Variants in SMYD3 observed in about 807,000 individuals in gnomAD.
The protein encoded by SMYD3 is histone-lysine N-methyltransferase SMYD3.
Under a neutral mutation model 57.7 loss-of-function variants are expected in SMYD3, and 36 were observed. That is an observed-to-expected ratio of 0.62 (90% confidence interval 0.48 to 0.82). SMYD3 has a LOEUF of 0.82. SMYD3 is among the 40% of genes least tolerant of loss of function. The pLI, the probability that SMYD3 is intolerant of heterozygous loss-of-function variation, is 0.00. For synonymous variants in SMYD3, 211 were observed against 195.0 expected, an observed-to-expected ratio of 1.08 and a Z score of -0.68; for missense variants, 515 against 538.8, an observed-to-expected ratio of 0.96 and a Z score of 0.44.
At chr1:246,217,063 G>A (rs1010863179) in intron 5 of SMYD3, among the ~76,000 whole-genome samples, 18 of 152,078 alleles carry the variant, frequency 1.2e-4, no homozygotes, top group African/African-American at 4.3e-4. Flanking sequence ...CTAAATACTG[G>A]ACAGAGGGGG....
intron 10 of SMYD3, among the ~76,000 whole-genome samples, chr1:245,764,831 T>C (rs2046001239): frequency 6.6e-6 from 1 of 152,100 alleles, no homozygotes; most frequent in African/African-American, 2.4e-5. Context: ...GGTGTTGTCG[T>C]GGACCAAAGA....
intron 1 of SMYD3, among the ~76,000 whole-genome samples, chr1:246,457,532 C>CAAAAAAAAAAAAA (rs59617511): frequency 1.2e-5 from 1 of 82,456 alleles, no homozygotes; most frequent in African/African-American, 4.6e-5. Context: ...GACTCTGCCT[C>CAAAAAAAAAAAAA]AAAAAAAAAA....
intron 5 of SMYD3, chr1:246,193,527 C>CTG (rs1305303750): frequency 2.0e-5 from 3 of 152,348 alleles, no homozygotes; most frequent in Admixed American, 6.5e-5. Flanking sequence ...GCCTGATCTA[C>CTG]AGAGACAGCA....
chr1:246,375,982 A>T (rs1572436048), intron 1 of SMYD3, among the ~76,000 whole-genome samples: 1 of 112,400 alleles, frequency 8.9e-6, no homozygotes, highest in Admixed American at 8.1e-5. Context: ...CACCAGCCTC[A>T]GCCTCCCAAA....
At chr1:246,421,890 G>A (rs759950181) in intron 1 of SMYD3, among the ~76,000 whole-genome samples, 9 of 152,218 alleles carry the variant, frequency 5.9e-5, no homozygotes, top group Non-Finnish European at 1.3e-4. Context: ...TCAAAAGGGA[G>A]AGAGCAAATT....
At chr1:246,067,679 C>A (rs1474719470) in intron 5 of SMYD3, among the ~76,000 whole-genome samples, 1 of 152,166 alleles carries the variant, frequency 6.6e-6, no homozygotes, top group Non-Finnish European at 1.5e-5. Context: ...CGACTCGCTC[C>A]TGGACGTGAA....
At chr1:246,206,569 C>T (rs998298009) in intron 5 of SMYD3, among the ~76,000 whole-genome samples, 1 of 152,142 alleles carries the variant, frequency 6.6e-6, no homozygotes, top group Non-Finnish European at 1.5e-5. Flanking sequence ...TATTATTCTT[C>T]TCTTGCTACC....
chr1:246,121,864 G>A (rs1036620192), intron 5 of SMYD3, among the ~76,000 whole-genome samples: 1 of 152,076 alleles, frequency 6.6e-6, no homozygotes, highest in Non-Finnish European at 1.5e-5. Flanking sequence ...ATAGCAAAGC[G>A]ATTACTACAG....
chr1:246,401,654 T>C (rs762028647), intron 1 of SMYD3, among the ~76,000 whole-genome samples: 2 of 151,366 alleles, frequency 1.3e-5, no homozygotes, highest in Non-Finnish European at 2.9e-5. Context: ...AAATAAAAAA[T>C]AGAGTATGTA....
chr1:246,080,635 AAAGATTACC>A lies in SMYD3; in HGVS notation c.532-150707_532-150699del, dbSNP rs1280299684. 9.2e-5 allele frequency among the ~76,000 whole-genome samples: 14 copies of A among 152,326 alleles called. 1 individual carries two copies. In the South Asian group the frequency reaches 2.7e-3, roughly 29 times the overall value. ...AAAGAACTATTATTATTGTAAAAAG[AAAGATTACC>A]AAGGACTCTTCTTTTACCATACAAA... On this transcript the variant is annotated intron_variant, in intron 5 of 11. Coordinates refer to ENST00000490107, the MANE Select transcript of SMYD3 (RefSeq NM_001167740.2).
intron 1 of SMYD3, among the ~76,000 whole-genome samples, chr1:246,425,576 T>C (rs2067206301): frequency 6.6e-6 from 1 of 152,178 alleles, no homozygotes; most frequent in Admixed American, 6.5e-5. Context: ...AATGAATAAA[T>C]ACTCCCGCTT....
intron 5 of SMYD3, among the ~76,000 whole-genome samples, chr1:246,037,590 C>T (rs1375325795): frequency 1.3e-5 from 2 of 152,208 alleles, no homozygotes; most frequent in South Asian, 2.1e-4. Flanking sequence ...TTTCCTGCTC[C>T]GGCAATGCCG....
chr1:245,905,618 C>A (rs531190665), intron 8 of SMYD3, among the ~76,000 whole-genome samples: 5 of 152,290 alleles, frequency 3.3e-5, no homozygotes, highest in African/African-American at 1.2e-4. Flanking sequence ...ACTTCTGGAC[C>A]CACCTGGGGC....
chr1:245,864,284 G>A (rs1350840809), intron 8 of SMYD3, among the ~76,000 whole-genome samples: 1 of 152,158 alleles, frequency 6.6e-6, no homozygotes, highest in Non-Finnish European at 1.5e-5. Context: ...AAATGAACAT[G>A]TATGTTCAAC....
intron 1 of SMYD3, among the ~76,000 whole-genome samples, chr1:246,374,006 G>A (rs1183395183): frequency 6.6e-6 from 1 of 152,014 alleles, no homozygotes; most frequent in East Asian, 1.9e-4. Flanking sequence ...AACACAGTGG[G>A]CACTGTCCAT....
chr1:245,876,532 C>T (rs2052496907), intron 8 of SMYD3, among the ~76,000 whole-genome samples: 1 of 152,220 alleles, frequency 6.6e-6, no homozygotes. Context: ...TTTTGCTTTT[C>T]TTTTTTCTTG....
intron 5 of SMYD3, among the ~76,000 whole-genome samples, chr1:246,200,335 C>T (rs113170650): frequency 2.0e-4 from 30 of 149,566 alleles, no homozygotes; most frequent in South Asian, 6.4e-4. Flanking sequence ...ACAGCGTAGA[C>T]GCTGAGCAAG....
At chr1:246,255,264 T>A (rs1257871138) in intron 5 of SMYD3, among the ~76,000 whole-genome samples, 1 of 151,734 alleles carries the variant, frequency 6.6e-6, no homozygotes. Context: ...GGCTATGGGT[T>A]TGTCATAGAT....
intron 5 of SMYD3, among the ~76,000 whole-genome samples, chr1:246,101,052 G>A (rs1043886501): frequency 9.0e-6 from 1 of 111,496 alleles, no homozygotes; most frequent in African/African-American, 3.3e-5. Flanking sequence ...CTAGTAATAT[G>A]TATTTTTAGG....
Sources: allele counts gnomAD v4.1 joint callset (sites outside exome capture counted in the v4.1 genomes callset), GRCh38; gene constraint gnomAD v4.1.1; transcripts MANE v1.5; gene names NCBI Gene and HGNC (gene_info 2026-07-23, HGNC 2026-07-21).